The following RNF220 variants were observed in gnomAD, a reference collection of about 807,000 sequenced individuals.
The protein encoded by RNF220 is ring finger protein 220.
RNF220 carries 7 observed loss-of-function variants against 67.1 expected under a neutral mutation model. That is an observed-to-expected ratio of 0.10 (90% CI 0.06 to 0.20). RNF220 has a LOEUF of 0.20. Among genes scored for constraint, RNF220 ranks in the 10% least tolerant of loss-of-function variants. RNF220 has a pLI of 1.00. For missense variants in RNF220, 565 were observed against 740.3 expected (o/e 0.76, Z 2.75); for synonymous variants, 270 against 283.2 (o/e 0.95, Z 0.47).
At chr1:44,618,219 A>G (rs1177104373) in intron 3 of RNF220, among the ~76,000 whole-genome samples, 1 of 152,206 alleles carries the variant, frequency 6.6e-6, no homozygotes, top group Non-Finnish European at 1.5e-5. Context: ...AGAAGCAGGA[A>G]CCTTCCAGCT....
Position 44,503,897 on chromosome 1 carries a change from T to A in RNF220, c.625+91175T>A, listed in dbSNP as rs1280118517. Among the ~76,000 whole-genome samples, 3 of 152,016 alleles carry A rather than the reference T, an allele frequency of 2.0e-5. No homozygotes were observed. In the East Asian group the frequency reaches 5.8e-4, roughly 29 times the overall value. On this transcript the variant is annotated intron_variant, in intron 2 of 14. Transcript: ENST00000361799. The stretch of plus-strand genomic sequence containing the variant: ...AGACAGAGTCTGCTGTTGGCCAGGC[T>A]GGGGTGCAGTGGCACAGTCTCGGCT...
At chr1:44,472,096 A>G (rs1182964445) in intron 2 of RNF220, among the ~76,000 whole-genome samples, 1 of 152,154 alleles carries the variant, frequency 6.6e-6, no homozygotes, top group African/African-American at 2.4e-5. Flanking sequence ...TGGATGTACC[A>G]TATTTGGTTT....
At chr1:44,584,767 C>T (rs1169963188) in intron 2 of RNF220, among the ~76,000 whole-genome samples, 1 of 152,220 alleles carries the variant, frequency 6.6e-6, no homozygotes, top group African/African-American at 2.4e-5. Flanking sequence ...GGCGCCATCT[C>T]AGCTCGCTGC....
chr1:44,642,861 G>A lies in RNF220; in HGVS notation c.1127-1837G>A, dbSNP rs141665029. On this transcript the variant is annotated intron_variant, in intron 8 of 14. Coordinates refer to ENST00000361799, the MANE Select transcript of RNF220 (RefSeq NM_018150.4). ...CTGAGCTGCGTGTACTTGGGGAAGG[G>A]GGGTTGGCAGGACTTGGGTGCCGCA... Among the ~76,000 whole-genome samples, 556 of 152,312 alleles carry A rather than the reference G, an allele frequency of 3.7e-3. 5 individuals carry two copies. The highest frequency in any genetic ancestry group is 0.012 in the African/African-American group (492 of 41,560).
chr1:44,538,223 C>A (rs1661387156), intron 2 of RNF220, among the ~76,000 whole-genome samples: 1 of 152,132 alleles, frequency 6.6e-6, no homozygotes, highest in South Asian at 2.1e-4. Context: ...CATCAATATT[C>A]TTTGGGTGTG....
At chr1:44,569,787 A>G (rs747441677) in intron 2 of RNF220, among the ~76,000 whole-genome samples, 2 of 152,214 alleles carry the variant, frequency 1.3e-5, no homozygotes, top group African/African-American at 2.4e-5. Context: ...GGAGCTGAGA[A>G]AAGGAGACAA....
rs543960406 is a variant in RNF220, at chr1:44,622,394, G to T, written c.759-348G>T. Among the ~76,000 whole-genome samples the T allele has an allele frequency of 6.6e-6, 1 of 152,242 alleles. No homozygotes were observed. The highest frequency in any genetic ancestry group is 2.4e-5 in the African/African-American group (1 of 41,462). The stretch of plus-strand genomic sequence containing the variant: ...AGGAGCTAAGAGCGGGCTGGGAACA[G>T]GGGGTGGAGAGAAGGGGGTCTCCAG... On this transcript the variant is annotated intron_variant, in intron 3 of 14. Coordinates refer to ENST00000361799, the MANE Select transcript of RNF220 (RefSeq NM_018150.4). The surrounding 1 kb of genome is among the most constrained non-coding windows in gnomAD (Gnocchi z 4.3).
At chr1:44,635,945 G>A in intron 7 of RNF220, 85 bp from the exon 8 acceptor site, 5 of 1,599,276 alleles carry the variant, frequency 3.1e-6, no homozygotes, top group Non-Finnish European at 4.3e-6. Context: ...CCACAGCTGG[G>A]GCTAGAGCTG....
chr1:44,628,377 G>A (rs182819268), intron 5 of RNF220, among the ~76,000 whole-genome samples: 2 of 152,134 alleles, frequency 1.3e-5, no homozygotes, highest in African/African-American at 2.4e-5. Flanking sequence ...AAAAACATAC[G>A]CATGTGTTTT....
At position 44,645,229 on chromosome 1, in the gene RNF220, C is replaced by G. The variant is rs760184085; in HGVS notation, c.1319C>G (p.Pro440Arg). ...TCCCTCCTTTCCTCCAGTGGCGGCCCTCCCAGCACGCGCATCACACCTGAG... is the reference window on the plus strand; with the variant it reads ...TCCCTCCTTTCCTCCAGTGGCGGCCGTCCCAGCACGCGCATCACACCTGAG... ...ALRGAVLNGG[P>R]PSTRITPEFS... is the part of the protein sequence containing the mutation. Residue 440 changes from proline (P) to arginine (R), a missense_variant, in exon 11 of 15, where the codon CCT (proline) becomes CGT (arginine). Pro to Arg is a moderately radical substitution (Grantham distance 103, BLOSUM62 -2). Transcript: ENST00000361799. This position sits in a 1 kb window ranked among gnomAD's most constrained non-coding sequence, Gnocchi z 5.0. 1.2e-6 allele frequency: 2 copies of G among 1,614,032 alleles called. No homozygotes were observed. Among genetic ancestry groups the G allele is most frequent in the East Asian group, 2.2e-5 (1 of 44,876 alleles).
chr1:44,598,173 G>A (rs1666665649), intron 2 of RNF220, among the ~76,000 whole-genome samples: 1 of 138,986 alleles, frequency 7.2e-6, no homozygotes, highest in East Asian at 1.9e-4. Context: ...ATGGGGAGGG[G>A]GAAACAGGGA....
chr1:44,472,694 T>G (rs149129183), intron 2 of RNF220, among the ~76,000 whole-genome samples: 12 of 152,298 alleles, frequency 7.9e-5, no homozygotes, highest in African/African-American at 2.9e-4. Flanking sequence ...TCCAACAGCT[T>G]CTGTCACTCT....
At chr1:44,418,543 G>A (rs1470479076) in intron 2 of RNF220, among the ~76,000 whole-genome samples, 1 of 152,030 alleles carries the variant, frequency 6.6e-6, no homozygotes, top group Non-Finnish European at 1.5e-5. Flanking sequence ...GTTAAAGTCT[G>A]GGCAATTTCT....
intron 2 of RNF220, among the ~76,000 whole-genome samples, chr1:44,539,036 C>T (rs950115646): frequency 7.4e-4 from 112 of 151,482 alleles, no homozygotes; most frequent in African/African-American, 2.6e-3. Flanking sequence ...GCCTGACCAA[C>T]ATGGCGAAAC....
chr1:44,534,667 A>G (rs1054915212), intron 2 of RNF220, among the ~76,000 whole-genome samples: 6 of 152,172 alleles, frequency 3.9e-5, no homozygotes, highest in Admixed American at 2.0e-4. Flanking sequence ...TCATTCCTTT[A>G]TCATCACTGC....
At chr1:44,637,773 GA>G (rs1644370707) in intron 8 of RNF220, among the ~76,000 whole-genome samples, 1 of 152,258 alleles carries the variant, frequency 6.6e-6, no homozygotes, top group Non-Finnish European at 1.5e-5. Context: ...TTCCTTTCAA[GA>G]ATTCCTGAGG....
chr1:44,425,146 G>A (rs75553996), intron 2 of RNF220, among the ~76,000 whole-genome samples: 1,816 of 152,298 alleles, frequency 0.012, 13 homozygotes, highest in Non-Finnish European at 0.018. Context: ...TCAGTGAGCC[G>A]TGACTAGGGG....
At chr1:44,631,270 G>C (rs1018860643) in intron 5 of RNF220, among the ~76,000 whole-genome samples, 1 of 152,226 alleles carries the variant, frequency 6.6e-6, no homozygotes, top group Non-Finnish European at 1.5e-5. Flanking sequence ...GTTAGACCTG[G>C]AAGGATGAGT....
chr1:44,426,298 A>G (rs1649764158), intron 2 of RNF220, among the ~76,000 whole-genome samples: 2 of 152,216 alleles, frequency 1.3e-5, no homozygotes, highest in African/African-American at 4.8e-5. Context: ...CTAGGCTGCA[A>G]GAATAGCCAT....
Sources: allele counts gnomAD v4.1 joint callset (sites outside exome capture counted in the v4.1 genomes callset), GRCh38; gene constraint gnomAD v4.1.1; non-coding constraint Gnocchi (gnomAD v3.1); transcripts MANE v1.5; gene names NCBI Gene and HGNC (gene_info 2026-07-23, HGNC 2026-07-21).